The following DPH6 variants were observed in gnomAD, a reference collection of about 807,000 sequenced individuals.
DPH6 encodes the protein diphthine--ammonia ligase.
Under a neutral mutation model 38.2 loss-of-function variants are expected in DPH6, and 33 were observed. That is an observed-to-expected ratio of 0.86 (90% CI 0.65 to 1.15). The LOEUF (loss-of-function observed/expected upper bound fraction) is 1.15. Among genes scored for constraint, DPH6 ranks in the 50% most tolerant of loss-of-function variants. The pLI, the probability that DPH6 is intolerant of heterozygous loss-of-function variation, is 0.00. For missense variants in DPH6, 325 were observed against 320.0 expected (o/e 1.02, Z -0.12); for synonymous variants, 108 against 103.0 (o/e 1.05, Z -0.30).
At chr15:35,487,633 G>A (rs949247309) in intron 3 of DPH6, among the ~76,000 whole-genome samples, 6 of 152,200 alleles carry the variant, frequency 3.9e-5, no homozygotes, top group African/African-American at 1.4e-4. Flanking sequence ...TTCCCTCCTC[G>A]GCCTCCAGGC....
chr15:35,168,083 G>C, the DPH6 span, among the ~76,000 whole-genome samples: 1 of 151,990 alleles, frequency 6.6e-6, no homozygotes, highest in Admixed American at 6.6e-5. Context: ...ACTTAACAAA[G>C]TTTATTAAAA....
chr15:35,177,749 G>T, the DPH6 span, among the ~76,000 whole-genome samples: 1 of 151,476 alleles, frequency 6.6e-6, no homozygotes, highest in African/African-American at 2.4e-5. Context: ...AGACCAGCTT[G>T]ACCAACATGG....
intron 6 of DPH6, among the ~76,000 whole-genome samples, chr15:35,406,990 G>A (rs1288925899): frequency 6.6e-6 from 1 of 151,964 alleles, no homozygotes; most frequent in Non-Finnish European, 1.5e-5. Context: ...TACGTGGAAA[G>A]CCCCAAAGGA....
the DPH6 span, among the ~76,000 whole-genome samples, chr15:35,160,206 C>T: frequency 6.6e-6 from 1 of 151,944 alleles, no homozygotes; most frequent in African/African-American, 2.4e-5. Context: ...AAAAAAAATT[C>T]TTTTCTAGAC....
At chr15:35,213,223 A>G (rs534439165), downstream of DPH6, among the ~76,000 whole-genome samples, 1 of 152,334 alleles carries the variant, frequency 6.6e-6, no homozygotes, top group East Asian at 1.9e-4. Context: ...TCTTAAGGGC[A>G]GGGGAAATGA....
chr15:35,537,847 G>T (rs2055193342), intron 3 of DPH6, among the ~76,000 whole-genome samples: 1 of 151,940 alleles, frequency 6.6e-6, no homozygotes, highest in African/African-American at 2.4e-5. Flanking sequence ...TTTATTGTCT[G>T]TCCTCTTCCA....
At chr15:35,446,217 T>TG (rs1595568920) in intron 5 of DPH6, among the ~76,000 whole-genome samples, 11 of 9,370 alleles carry the variant, frequency 1.2e-3, no homozygotes, top group Non-Finnish European at 2.9e-3. Flanking sequence ...ATTTTCCCTT[T>TG]TTTTTTTTTT....
intron 3 of DPH6, among the ~76,000 whole-genome samples, chr15:35,463,913 G>T (rs1027620847): frequency 6.6e-6 from 1 of 152,108 alleles, no homozygotes; most frequent in Non-Finnish European, 1.5e-5. Context: ...TACTAGGAAA[G>T]TTAAAACACA....
chr15:35,157,815 T>C, the DPH6 span, among the ~76,000 whole-genome samples: 1 of 152,100 alleles, frequency 6.6e-6, no homozygotes, highest in African/African-American at 2.4e-5. Context: ...ATGTTCTTCG[T>C]CACTCTCCTT....
chr15:35,181,467 C>T, the DPH6 span, among the ~76,000 whole-genome samples: 2 of 128,134 alleles, frequency 1.6e-5, no homozygotes, highest in Admixed American at 9.0e-5. Flanking sequence ...TAAAAAAAAA[C>T]TCTGCTTTTT....
chr15:35,483,993 T>C (rs148113272), intron 3 of DPH6, among the ~76,000 whole-genome samples: 27 of 152,314 alleles, frequency 1.8e-4, no homozygotes, highest in Non-Finnish European at 3.1e-4. Context: ...TACAGACTTA[T>C]AGAAAGCAGA....
At chr15:35,168,612 A>G in the DPH6 span, among the ~76,000 whole-genome samples, 2 of 152,112 alleles carry the variant, frequency 1.3e-5, no homozygotes, top group Admixed American at 6.6e-5. Context: ...CCATTAGTAT[A>G]ACGCACAGCT....
At chr15:35,365,143 C>T (rs2052645972) in intron 3 of DPH6, among the ~76,000 whole-genome samples, 1 of 152,004 alleles carries the variant, frequency 6.6e-6, no homozygotes, top group Admixed American at 6.6e-5. Context: ...GGTAATATGA[C>T]CCTCAACCTG....
intron 6 of DPH6, among the ~76,000 whole-genome samples, chr15:35,398,935 G>A (rs2053182493): frequency 6.6e-6 from 1 of 152,140 alleles, no homozygotes. Flanking sequence ...GTTTAGTGGT[G>A]TGCAAGCATA....
the DPH6 span, among the ~76,000 whole-genome samples, chr15:35,164,876 T>C: frequency 1.6e-4 from 24 of 152,044 alleles, no homozygotes; most frequent in Non-Finnish European, 2.7e-4. Context: ...GCAAAATTGA[T>C]TCTATGTTAA....
chr15:35,366,534 A>G (rs2052662393), downstream of DPH6, among the ~76,000 whole-genome samples: 1 of 151,978 alleles, frequency 6.6e-6, no homozygotes, highest in Non-Finnish European at 1.5e-5. Context: ...TTAAGAAGCC[A>G]CAGATTACAG....
chr15:35,335,304 T>A (rs1369822125), intron 3 of DPH6, among the ~76,000 whole-genome samples: 1 of 152,180 alleles, frequency 6.6e-6, no homozygotes, highest in African/African-American at 2.4e-5. Context: ...CTTTGCCAGA[T>A]GAAAAGATTG....
chr15:35,354,415 G>A (rs1203039092), intron 3 of DPH6, among the ~76,000 whole-genome samples: 1 of 152,152 alleles, frequency 6.6e-6, no homozygotes, highest in Non-Finnish European at 1.5e-5. Flanking sequence ...TTGGCTGTGG[G>A]TTTGTCATAG....
intron 3 of DPH6, among the ~76,000 whole-genome samples, chr15:35,457,256 C>T (rs529315849): frequency 6.6e-6 from 1 of 151,812 alleles, no homozygotes; most frequent in African/African-American, 2.4e-5. Flanking sequence ...TGCCTGGCCC[C>T]ATTTATTTTA....
Sources: allele counts gnomAD v4.1 joint callset (sites outside exome capture counted in the v4.1 genomes callset), GRCh38; gene constraint gnomAD v4.1.1; transcripts MANE v1.5; gene names NCBI Gene and HGNC (gene_info 2026-07-23, HGNC 2026-07-21).